Variants in RASGRP3 observed in about 807,000 individuals in gnomAD.
RASGRP3 encodes the protein ras guanyl-releasing protein 3.
Under a neutral mutation model 82.7 loss-of-function variants are expected in RASGRP3, and 54 were observed. That is an observed-to-expected ratio of 0.65 (90% CI 0.52 to 0.82). The LOEUF (loss-of-function observed/expected upper bound fraction) is 0.82. Among genes scored for constraint, RASGRP3 ranks in the 40% least tolerant of loss-of-function variants. RASGRP3 has a pLI of 0.00. For synonymous variants in RASGRP3, 309 were observed against 300.5 expected, an observed-to-expected ratio of 1.03 and a Z score of -0.29; for missense variants, 861 against 828.9, an observed-to-expected ratio of 1.04 and a Z score of -0.48.
intron 1 of RASGRP3, among the ~76,000 whole-genome samples, chr2:33,490,679 C>T (rs767912681): frequency 3.9e-5 from 6 of 152,220 alleles, no homozygotes; most frequent in Non-Finnish European, 8.8e-5. Context: ...TGTCCTTCCT[C>T]TTTATACTTT....
At chr2:33,554,771 C>G (rs1225671211) in intron 14 of RASGRP3, among the ~76,000 whole-genome samples, 2 of 152,198 alleles carry the variant, frequency 1.3e-5, no homozygotes, top group Non-Finnish European at 2.9e-5. Context: ...CCGCGCCTGG[C>G]CAGGCCCTCT....
chr2:33,497,491 G>A (rs902773300), intron 1 of RASGRP3, among the ~76,000 whole-genome samples: 1 of 152,168 alleles, frequency 6.6e-6, no homozygotes. Flanking sequence ...AAAACTGCTG[G>A]TGGAAAAGTT....
At chr2:33,485,639 GA>G (rs2150948172) in intron 1 of RASGRP3, among the ~76,000 whole-genome samples, 1 of 152,292 alleles carries the variant, frequency 6.6e-6, no homozygotes, top group South Asian at 2.1e-4. Flanking sequence ...CACCAAGAGG[GA>G]CAATCATATT....
intron 14 of RASGRP3, among the ~76,000 whole-genome samples, chr2:33,554,485 T>C (rs761161804): frequency 5.9e-5 from 9 of 151,522 alleles, no homozygotes; most frequent in Non-Finnish European, 1.0e-4. Flanking sequence ...CCTCTTCTTT[T>C]TTTTTGAGAT....
At chr2:33,518,314 C>G (rs76307043) in intron 4 of RASGRP3, among the ~76,000 whole-genome samples, 3 of 152,176 alleles carry the variant, frequency 2.0e-5, no homozygotes, top group Middle Eastern at 3.4e-3. Flanking sequence ...ATTTGTGTAT[C>G]TAAACATAGA....
At chr2:33,445,565 A>G (rs1665454765) in intron 1 of RASGRP3, among the ~76,000 whole-genome samples, 1 of 152,166 alleles carries the variant, frequency 6.6e-6, no homozygotes, top group Middle Eastern at 3.2e-3. Flanking sequence ...TAGTGACTGC[A>G]TACTGCACCT....
chr2:33,538,145 T>C (rs531848378), intron 11 of RASGRP3, among the ~76,000 whole-genome samples: 12 of 152,202 alleles, frequency 7.9e-5, no homozygotes, highest in African/African-American at 2.4e-4. Context: ...TTTAGTGATA[T>C]TTGGAGAACT....
chr2:33,451,200 T>C (rs1665782294), intron 2 of RASGRP3, among the ~76,000 whole-genome samples: 1 of 152,194 alleles, frequency 6.6e-6, no homozygotes, highest in Non-Finnish European at 1.5e-5. Flanking sequence ...CATTTGTATT[T>C]CTTCTTTTGA....
At chr2:33,459,910 A>G (rs1183892062) in intron 2 of RASGRP3, among the ~76,000 whole-genome samples, 1 of 152,214 alleles carries the variant, frequency 6.6e-6, no homozygotes, top group Non-Finnish European at 1.5e-5. Context: ...AATTTGTTCA[A>G]GCCTCTATAG....
intron 1 of RASGRP3, among the ~76,000 whole-genome samples, chr2:33,490,569 C>T (rs749707004): frequency 6.6e-6 from 1 of 152,230 alleles, no homozygotes; most frequent in Non-Finnish European, 1.5e-5. Flanking sequence ...AGTTTTCCTT[C>T]TCTTTCTCTG....
chr2:33,544,229 G>A (rs1362791518), intron 13 of RASGRP3, among the ~76,000 whole-genome samples: 1 of 152,092 alleles, frequency 6.6e-6, no homozygotes, highest in Admixed American at 6.5e-5. Flanking sequence ...CGGGAGAATT[G>A]CTTGAGCCTG....
chr2:33,543,250 A>G lies in RASGRP3; in HGVS notation c.1279-262A>G, dbSNP rs190853157. 3.9e-5 allele frequency among the ~76,000 whole-genome samples: 6 copies of G among 152,270 alleles called. No homozygotes were observed. In the East Asian group the frequency reaches 9.7e-4, roughly 25 times the overall value. On this transcript the variant is annotated intron_variant, in intron 12 of 17. Coordinates refer to ENST00000403687, the MANE Select transcript of RASGRP3 (RefSeq NM_001139488.2). Reference sequence around the variant, plus strand: ...GGCTGGTCTCAAACTCTTGGGCTCAAGTGATCTTCCCACCTCTGCCTCCAA... The same window carrying G: ...GGCTGGTCTCAAACTCTTGGGCTCAGGTGATCTTCCCACCTCTGCCTCCAA...
intron 14 of RASGRP3, 76 bp downstream of exon 14, chr2:33,549,827 A>C: frequency 1.4e-6 from 2 of 1,480,470 alleles, no homozygotes. Flanking sequence ...AAAATGATAC[A>C]CTAAATAAAG....
intron 2 of RASGRP3, among the ~76,000 whole-genome samples, chr2:33,466,726 G>A (rs1666719074): frequency 6.6e-6 from 1 of 151,300 alleles, no homozygotes; most frequent in African/African-American, 2.4e-5. Flanking sequence ...GCAGATGCAG[G>A]GGAAACAGAC....
chr2:33,562,450 T>C, intron 17 of RASGRP3, among the ~76,000 whole-genome samples: 1 of 151,748 alleles, frequency 6.6e-6, no homozygotes. Context: ...ATTTATTTTT[T>C]TGTAGAGACG....
intron 1 of RASGRP3, among the ~76,000 whole-genome samples, chr2:33,506,812 G>A (rs563527761): frequency 1.3e-5 from 2 of 152,256 alleles, no homozygotes; most frequent in South Asian, 2.1e-4. Context: ...TAAATATGGG[G>A]GATTTTAGTC....
chr2:33,466,799 G>C (rs754852194), intron 2 of RASGRP3, among the ~76,000 whole-genome samples: 1 of 152,054 alleles, frequency 6.6e-6, no homozygotes, highest in East Asian at 1.9e-4. Flanking sequence ...AAAATTTTCC[G>C]TGACCCAGGT....
intron 15 of RASGRP3, among the ~76,000 whole-genome samples, chr2:33,556,373 G>A (rs57659441): frequency 9.1e-5 from 11 of 121,510 alleles, no homozygotes; most frequent in South Asian, 8.0e-4. Flanking sequence ...TCAGCCTCCC[G>A]AGTAGCTGGG....
At chr2:33,485,175 G>A (rs991148412) in intron 1 of RASGRP3, among the ~76,000 whole-genome samples, 12 of 152,184 alleles carry the variant, frequency 7.9e-5, no homozygotes, top group African/African-American at 2.4e-4. Context: ...TCCAGCCTGG[G>A]CAACAAGAGT....
Sources: allele counts gnomAD v4.1 joint callset (sites outside exome capture counted in the v4.1 genomes callset), GRCh38; gene constraint gnomAD v4.1.1; transcripts MANE v1.5; gene names NCBI Gene and HGNC (gene_info 2026-07-23, HGNC 2026-07-21).